The following USP8 variants were observed in gnomAD, a reference collection of about 807,000 sequenced individuals.
The protein encoded by USP8 is ubiquitin carboxyl-terminal hydrolase 8.
USP8 carries 27 observed loss-of-function variants against 130.0 expected under a neutral mutation model. The ratio of observed to expected loss-of-function variants is 0.21; its 90% CI spans 0.15 to 0.29. The LOEUF is 0.29. USP8 is among the 10% of genes least tolerant of loss of function. USP8 has a pLI of 1.00. For synonymous variants in USP8, 392 were observed against 444.1 expected (o/e 0.88, Z 1.48); for missense variants, 1,029 against 1,312.2 (o/e 0.78, Z 3.33).
chr15:50,467,438 T>C (rs1210775570), intron 7 of USP8, among the ~76,000 whole-genome samples: 2 of 152,234 alleles, frequency 1.3e-5, no homozygotes, highest in African/African-American at 2.4e-5. Context: ...TTGGTGCTAG[T>C]ATATCTTTTA....
intron 7 of USP8, among the ~76,000 whole-genome samples, chr15:50,471,058 G>A (rs1488757689): frequency 1.3e-5 from 2 of 152,190 alleles, no homozygotes; most frequent in South Asian, 2.1e-4. Flanking sequence ...TACCTTGAGC[G>A]AGTCACTTAA....
Position 50,458,986 on chromosome 15 carries a change from AT to A in USP8, c.336-8del. The A allele has an allele frequency of 1.9e-6, 3 of 1,611,640 alleles. No homozygotes were observed. The highest frequency in any genetic ancestry group is 2.5e-6 in the Non-Finnish European group (3 of 1,179,716). ...CGCCAATAAAAGACAATCTTGACTT[AT>A]TTTTTCAACTAGATATGAAGAAGCT... On this transcript the variant is annotated splice_polypyrimidine_tract_variant and intron_variant, in intron 4 of 19. Transcript: ENST00000307179.
At chr15:50,487,272 A>G (rs575309546) in intron 12 of USP8, among the ~76,000 whole-genome samples, 4 of 152,352 alleles carry the variant, frequency 2.6e-5, no homozygotes, top group Admixed American at 1.3e-4. Context: ...AAGCCTTACA[A>G]AAATTAAGAA....
rs1002477646 is a variant in USP8, at chr15:50,501,911, C to T, written c.*2823C>T. ...TTTTATGAAATTCAAATGTCAATGT[C>T]CTTAAAGTTTTATGGGAACACAGTC... On this transcript the variant is annotated 3_prime_UTR_variant, in exon 20 of 20. Coordinates refer to ENST00000307179, the MANE Select transcript of USP8 (RefSeq NM_005154.5). 5.9e-5 allele frequency: 9 copies of T among 152,058 alleles called. No homozygotes were observed. The highest frequency in any genetic ancestry group is 5.9e-4 in the Admixed American group (9 of 15,262). The allele number at this position is 152,058 out of a possible 1,614,324, so 9.4% of individuals were successfully genotyped here. A position where few individuals can be genotyped will look rare whatever the true frequency, so the allele number is the denominator to read the frequency against.
chr15:50,433,133 T>G (rs1169263434), intron 1 of USP8, among the ~76,000 whole-genome samples: 2 of 152,090 alleles, frequency 1.3e-5, no homozygotes, highest in Non-Finnish European at 2.9e-5. Flanking sequence ...TCTCAGTTAC[T>G]TGGGAGGCTG....
intron 4 of USP8, 67 bp from the exon 5 acceptor site, chr15:50,458,933 C>T (rs926300490): frequency 5.7e-6 from 9 of 1,589,478 alleles, no homozygotes; most frequent in African/African-American, 2.7e-5. Flanking sequence ...TTTTACAGAA[C>T]TGAAACTCCT....
intron 2 of USP8, among the ~76,000 whole-genome samples, chr15:50,441,055 A>G (rs1394485145): frequency 6.6e-6 from 1 of 151,968 alleles, no homozygotes; most frequent in African/African-American, 2.4e-5. Context: ...GCAGTTCACA[A>G]TAGGGTTCGT....
At chr15:50,464,432 C>T (rs2051112199) in intron 6 of USP8, among the ~76,000 whole-genome samples, 1 of 152,162 alleles carries the variant, frequency 6.6e-6, no homozygotes, top group Admixed American at 6.5e-5. Flanking sequence ...TTTCCTGAGA[C>T]ACATATATTA....
intron 12 of USP8, among the ~76,000 whole-genome samples, chr15:50,486,565 G>C (rs147177148): frequency 1.6e-4 from 25 of 152,066 alleles, no homozygotes; most frequent in Non-Finnish European, 2.5e-4. Context: ...TCTTATTTTT[G>C]ACTGCAACAG....
rs558629058 is a variant in USP8 at position 50,450,681 on chromosome 15, G to T, written c.335+1196G>T. 5.3e-5 allele frequency among the ~76,000 whole-genome samples: 8 copies of T among 152,064 alleles called. No homozygotes were observed. In the East Asian group the frequency reaches 1.5e-3, roughly 29 times the overall value. ...AGACGGGGTTTCTCCATGTTGGTCAGGCTGGTCTTGAACTCCTGACCTCCG... is the reference window on the plus strand; with the variant it reads ...AGACGGGGTTTCTCCATGTTGGTCATGCTGGTCTTGAACTCCTGACCTCCG... On this transcript the variant is annotated intron_variant, in intron 4 of 19. Transcript: ENST00000307179.
intron 1 of USP8, among the ~76,000 whole-genome samples, chr15:50,435,053 C>A (rs561917743): frequency 6.6e-6 from 1 of 152,124 alleles, no homozygotes; most frequent in African/African-American, 2.4e-5. Flanking sequence ...GTTGCTGCTG[C>A]TGTTTTATTT....
At chr15:50,469,900 C>T (rs543987471) in intron 7 of USP8, among the ~76,000 whole-genome samples, 15 of 149,586 alleles carry the variant, frequency 1.0e-4, no homozygotes, top group South Asian at 8.5e-4. Flanking sequence ...GGCGTGATCT[C>T]GGCTCACTGC....
intron 4 of USP8, among the ~76,000 whole-genome samples, chr15:50,454,706 C>T (rs574321080): frequency 2.2e-4 from 34 of 152,250 alleles, no homozygotes; most frequent in African/African-American, 6.7e-4. Flanking sequence ...CCACCCACCT[C>T]GGCCTCCCAG....
At chr15:50,434,182 A>G (rs2050025764) in intron 1 of USP8, among the ~76,000 whole-genome samples, 1 of 151,852 alleles carries the variant, frequency 6.6e-6, no homozygotes, top group Non-Finnish European at 1.5e-5. Flanking sequence ...CGCTCACTGC[A>G]ATCTTCACCT....
intron 1 of USP8, among the ~76,000 whole-genome samples, chr15:50,436,783 C>T (rs1285997091): frequency 2.0e-5 from 3 of 152,178 alleles, no homozygotes; most frequent in Non-Finnish European, 4.4e-5. Flanking sequence ...AATTCTCCTG[C>T]CTTAGCCTCC....
At chr15:50,488,225 G>A (rs545746069) in intron 12 of USP8, among the ~76,000 whole-genome samples, 4 of 152,126 alleles carry the variant, frequency 2.6e-5, no homozygotes, top group South Asian at 2.1e-4. Context: ...TCTTCTTAAG[G>A]TTTCAGTTTT....
At chr15:50,433,705 G>T (rs1487205064) in intron 1 of USP8, among the ~76,000 whole-genome samples, 1 of 151,932 alleles carries the variant, frequency 6.6e-6, no homozygotes, top group Non-Finnish European at 1.5e-5. Flanking sequence ...TCCCAGGTTC[G>T]TGCCATTCTC....
chr15:50,464,103 T>C (rs547992232), intron 6 of USP8, among the ~76,000 whole-genome samples: 2 of 152,110 alleles, frequency 1.3e-5, no homozygotes, highest in East Asian at 3.9e-4. Flanking sequence ...GGGAACCTTA[T>C]GGGCTTGGAG....
At chr15:50,447,231 A>G (rs1363537830) in intron 3 of USP8, among the ~76,000 whole-genome samples, 1 of 152,078 alleles carries the variant, frequency 6.6e-6, no homozygotes, top group Non-Finnish European at 1.5e-5. Context: ...GGAATGAATT[A>G]TTTACTGTTA....
Sources: allele counts gnomAD v4.1 joint callset (sites outside exome capture counted in the v4.1 genomes callset), GRCh38; gene constraint gnomAD v4.1.1; transcripts MANE v1.5; gene names NCBI Gene and HGNC (gene_info 2026-07-23, HGNC 2026-07-21).